The following PDE2A variants were observed in gnomAD, a reference collection of about 807,000 sequenced individuals.
PDE2A encodes phosphodiesterase 2A, also known as cGMP-dependent 3',5'-cyclic phosphodiesterase.
A neutral mutation model predicts 133.6 loss-of-function variants in PDE2A; 53 were observed. That is an observed-to-expected ratio of 0.40 (90% CI 0.32 to 0.50). PDE2A has a LOEUF of 0.50. Among genes scored for constraint, PDE2A ranks in the 20% least tolerant of loss-of-function variants. The pLI is 0.73. For missense variants in PDE2A, 796 were observed against 1,232.4 expected (o/e 0.65, Z 5.30); for synonymous variants, 491 against 490.2 (o/e 1.00, Z -0.02).
chr11:72,642,037 C>A (rs1858973124), intron 2 of PDE2A, among the ~76,000 whole-genome samples: 1 of 152,232 alleles, frequency 6.6e-6, no homozygotes, highest in Non-Finnish European at 1.5e-5. Flanking sequence ...TGGGGTGGAG[C>A]CCCGGATCCG....
chr11:72,669,218 T>C (rs1855327545), intron 1 of PDE2A, among the ~76,000 whole-genome samples: 2 of 152,138 alleles, frequency 1.3e-5, no homozygotes, highest in Non-Finnish European at 1.5e-5. Context: ...TCTGCCACCT[T>C]CTCTGCTCTA....
intron 2 of PDE2A, among the ~76,000 whole-genome samples, chr11:72,632,816 C>G (rs79317752): frequency 7.2e-5 from 11 of 151,868 alleles, no homozygotes; most frequent in South Asian, 2.1e-4. Flanking sequence ...TCCCTCCCCC[C>G]AGCAGAGGCA....
Position 72,658,233 on chromosome 11 carries a change from C to T in PDE2A, c.71+15904G>A, listed in dbSNP as rs78683025. The stretch of plus-strand genomic sequence containing the variant: ...ATGGTGGGTGAGGGTTCTGGTCTCC[C>T]CCATCAGATTGGGCTGGGAGCTCCT... On this transcript the variant is annotated intron_variant, in intron 1 of 30. Transcript: ENST00000334456. The T allele has an allele frequency of 9.3e-3, 3,846 of 414,402 alleles. 107 individuals carry two copies. Among genetic ancestry groups the T allele is most frequent in the African/African-American group, 0.072 (3,544 of 49,138 alleles). The allele number at this position is 414,402 out of a possible 1,614,324, so 25.7% of individuals were successfully genotyped here. A position where few individuals can be genotyped will look rare whatever the true frequency, so the allele number is the denominator to read the frequency against.
intron 1 of PDE2A, among the ~76,000 whole-genome samples, chr11:72,665,270 C>T (rs923494431): frequency 6.6e-6 from 1 of 152,108 alleles, no homozygotes; most frequent in Non-Finnish European, 1.5e-5. Flanking sequence ...CAACCATGGG[C>T]CTCCCACCCT....
At chr11:72,581,062 C>A in intron 23 of PDE2A, 89 bp from the exon 24 acceptor site, 2 of 946,336 alleles carry the variant, frequency 2.1e-6, no homozygotes, top group Non-Finnish European at 3.4e-6. Context: ...AGATGACATG[C>A]CCAGGAGCCA....
At position 72,580,623 on chromosome 11, in the gene PDE2A, T is replaced by C; in HGVS notation, c.2135A>G (p.Lys712Arg). The change falls in exon 25 of 31, where the codon AAA becomes AGA. Residue 712 changes from lysine (K) to arginine (R), a missense_variant and splice_region_variant. Coordinates refer to ENST00000334456, the MANE Select transcript of PDE2A (RefSeq NM_002599.5). ...GTNNSFQVAS[K>R]SVLAALYSSE... The stretch of plus-strand genomic sequence containing the variant: ...GCTGTAGAGCGCAGCCAGCACAGAT[T>C]TCTGGAAAAGCCCAGGAAAACTGTG... The C allele has an allele frequency of 6.4e-7, 1 of 1,564,596 alleles. No homozygotes were observed. Among genetic ancestry groups the C allele is most frequent in the Non-Finnish European group, 8.7e-7 (1 of 1,153,088 alleles).
At chr11:72,619,704 A>C (rs1857656694) in intron 2 of PDE2A, among the ~76,000 whole-genome samples, 1 of 152,132 alleles carries the variant, frequency 6.6e-6, no homozygotes, top group Non-Finnish European at 1.5e-5. Context: ...CAAATGAGTG[A>C]GTGAACGTGT....
intron 2 of PDE2A, among the ~76,000 whole-genome samples, chr11:72,641,927 G>A (rs113312603): frequency 3.9e-5 from 6 of 152,040 alleles, no homozygotes; most frequent in African/African-American, 1.5e-4. Flanking sequence ...GTTCCGAGGC[G>A]TGGGCAGGGT....
chr11:72,674,328 C>A lies in PDE2A; in HGVS notation c.-121G>T. ...AGGGACCAAGAGCAGTGGGCTGCCC[C>A]CTACTCAGCCTGGACTCAACACCCC... On this transcript the variant is annotated 5_prime_UTR_variant, in exon 1 of 31. Transcript: ENST00000334456. The A allele has an allele frequency of 1.1e-6, 1 of 939,448 alleles. No individual in the cohort carries two copies. The highest frequency in any genetic ancestry group is 2.3e-5 in the Admixed American group (1 of 44,002). The allele number at this position is 939,448 out of a possible 1,614,324, so 58.2% of individuals were successfully genotyped here.
chr11:72,593,813 C>T (rs530266123), intron 6 of PDE2A, among the ~76,000 whole-genome samples: 10 of 152,366 alleles, frequency 6.6e-5, no homozygotes, highest in South Asian at 2.1e-4. Flanking sequence ...TCGCTGATGG[C>T]GTCGCCACTG....
At chr11:72,670,158 T>C (rs1375027081) in intron 1 of PDE2A, among the ~76,000 whole-genome samples, 2 of 150,506 alleles carry the variant, frequency 1.3e-5, no homozygotes, top group African/African-American at 5.0e-5. Flanking sequence ...ATCTTCCTAG[T>C]GCTGTCCCTC....
intron 6 of PDE2A, 80 bp downstream of exon 6, chr11:72,596,513 C>T (rs1309640435): frequency 6.0e-6 from 4 of 662,240 alleles, no homozygotes; most frequent in African/African-American, 1.9e-5. Context: ...CACACACACA[C>T]ACACCCTGGA....
At chr11:72,639,778 G>A (rs1056965390) in intron 2 of PDE2A, among the ~76,000 whole-genome samples, 2 of 152,170 alleles carry the variant, frequency 1.3e-5, no homozygotes, top group African/African-American at 4.8e-5. Flanking sequence ...AAGGGCAAAG[G>A]GTAGGGGCAG....
intron 1 of PDE2A, among the ~76,000 whole-genome samples, chr11:72,657,521 G>A (rs1854932426): frequency 6.6e-6 from 1 of 151,894 alleles, no homozygotes; most frequent in African/African-American, 2.4e-5. Flanking sequence ...GCTCACACAC[G>A]CCAGTACAAA....
chr11:72,618,559 C>A (rs918248962), intron 2 of PDE2A, among the ~76,000 whole-genome samples: 3 of 152,198 alleles, frequency 2.0e-5, no homozygotes, highest in Admixed American at 2.0e-4. Flanking sequence ...TCTGGGGCCC[C>A]ACGCACTCCC....
Position 72,584,598 on chromosome 11 carries a change from A to C in PDE2A, c.1490T>G (p.Phe497Cys). ...FYRGVDDSTG[F>C]RTRNILCFPI... Reference sequence around the variant, plus strand: ...GAAGCAGAGGATGTTGCGCGTGCGGAAGCCGGTGCTGTCGTCCACGCCGCG... The same window carrying C: ...GAAGCAGAGGATGTTGCGCGTGCGGCAGCCGGTGCTGTCGTCCACGCCGCG... The change falls in exon 18 of 31, where the codon TTC becomes TGC. Residue 497 changes from phenylalanine to cysteine, a missense_variant. By Grantham distance (205) the Phe-to-Cys change is radical. Around this residue, in one of 7 missense-constraint regions of PDE2A, gnomAD observed 218 missense variants for 465.9 expected, o/e 0.47. Transcript: ENST00000334456. 6.2e-7 allele frequency: 1 copy of C among 1,612,608 alleles called. No homozygotes were observed. Among genetic ancestry groups the C allele is most frequent in the South Asian group, 1.1e-5 (1 of 91,070 alleles).
intron 21 of PDE2A, 43 bp from the exon 22 acceptor site, chr11:72,581,990 A>G (rs1403609163): frequency 2.6e-6 from 4 of 1,518,562 alleles, no homozygotes; most frequent in East Asian, 2.3e-5. Flanking sequence ...TGCCAGTATC[A>G]AGACGGGGCC....
chr11:72,616,768 G>T (rs930264273), intron 2 of PDE2A, among the ~76,000 whole-genome samples: 1 of 152,212 alleles, frequency 6.6e-6, no homozygotes, highest in Admixed American at 6.5e-5. Context: ...CAGACCGGGT[G>T]GGGGCAGCAG....
intron 1 of PDE2A, among the ~76,000 whole-genome samples, chr11:72,650,571 A>G (rs764471803): frequency 6.6e-6 from 1 of 151,736 alleles, no homozygotes; most frequent in African/African-American, 2.4e-5. Flanking sequence ...TCCTTCCCCA[A>G]TCTCCTCCCC....
Sources: allele counts gnomAD v4.1 joint callset (sites outside exome capture counted in the v4.1 genomes callset), GRCh38; gene constraint gnomAD v4.1.1; regional missense constraint gnomAD v4.1.1; transcripts MANE v1.5; gene names NCBI Gene and HGNC (gene_info 2026-07-23, HGNC 2026-07-21).